NTNG1: variants seen among roughly 807,000 people sequenced by gnomAD.
The protein encoded by NTNG1 is netrin G1.
A neutral mutation model predicts 54.0 loss-of-function variants in NTNG1; 16 were observed. The ratio of observed to expected loss-of-function variants is 0.30; its 90% CI spans 0.20 to 0.45. The LOEUF is 0.45. Among genes scored for constraint, NTNG1 ranks in the 20% least tolerant of loss-of-function variants. The probability of loss-of-function intolerance (pLI) is 1.00; values close to 1 mark genes in which losing one functional copy is unlikely to be tolerated. For synonymous variants in NTNG1, 255 were observed against 263.1 expected (o/e 0.97, Z 0.30); for missense variants, 530 against 678.7 (o/e 0.78, Z 2.43).
intron 2 of NTNG1, among the ~76,000 whole-genome samples, chr1:107,255,546 C>G (rs1005976676): frequency 2.6e-5 from 4 of 152,154 alleles, no homozygotes; most frequent in African/African-American, 9.7e-5. Flanking sequence ...AGCTGAAACT[C>G]GATGAGAATT....
intron 3 of NTNG1, among the ~76,000 whole-genome samples, chr1:107,342,847 A>G (rs1668980201): frequency 6.6e-6 from 1 of 152,058 alleles, no homozygotes; most frequent in South Asian, 2.1e-4. Context: ...GGGATTTAGA[A>G]CGACCAATAA....
intron 3 of NTNG1, among the ~76,000 whole-genome samples, chr1:107,336,489 A>G (rs1317697357): frequency 6.6e-6 from 1 of 152,008 alleles, no homozygotes; most frequent in Non-Finnish European, 1.5e-5. Context: ...TGCATTAAAG[A>G]CCTAAATGTA....
At chr1:107,441,002 G>A (rs1675928050) in intron 7 of NTNG1, among the ~76,000 whole-genome samples, 1 of 151,712 alleles carries the variant, frequency 6.6e-6, no homozygotes, top group South Asian at 2.1e-4. Context: ...TTAGTGTTGA[G>A]GTTACCCAAT....
At chr1:107,230,541 G>A (rs1661004156) in intron 2 of NTNG1, among the ~76,000 whole-genome samples, 2 of 152,140 alleles carry the variant, frequency 1.3e-5, no homozygotes, top group African/African-American at 4.8e-5. Context: ...AATAGAATAG[G>A]ATTTGAATAC....
In NTNG1 at chr1:107,302,192, T is replaced by C. The variant is rs182915291; in HGVS notation, c.247-22090T>C. On this transcript the variant is annotated intron_variant, in intron 2 of 7. Coordinates refer to ENST00000370068, the MANE Select transcript of NTNG1 (RefSeq NM_001113226.3). ...TCTTGTCCATGTACGTGGAGTACCATGGCCTTTCACAAAACTTGCTAGCAT... is the reference window on the plus strand; with the variant it reads ...TCTTGTCCATGTACGTGGAGTACCACGGCCTTTCACAAAACTTGCTAGCAT... 8.5e-5 allele frequency among the ~76,000 whole-genome samples: 13 copies of C among 152,326 alleles called. No homozygotes were observed. The East Asian group carries it at 2.1e-3, about 25-fold the overall frequency.
chr1:107,437,726 A>G lies in NTNG1; in HGVS notation c.1390+927A>G, dbSNP rs148410510. 1.2e-3 allele frequency among the ~76,000 whole-genome samples: 188 copies of G among 152,308 alleles called. 1 individual carries two copies. Among genetic ancestry groups the G allele is most frequent in the African/African-American group, 4.4e-3 (184 of 41,588 alleles). On this transcript the variant is annotated intron_variant, in intron 7 of 7. Coordinates refer to ENST00000370068, the MANE Select transcript of NTNG1 (RefSeq NM_001113226.3). ...AACTATTATATTTAGCTCAAATTAT[A>G]TAAGATACTATTATTTCAACATATA... is the stretch of plus-strand genomic sequence containing the variant.
intron 3 of NTNG1, among the ~76,000 whole-genome samples, chr1:107,350,640 C>A (rs1039476113): frequency 8.6e-5 from 13 of 152,042 alleles, no homozygotes; most frequent in Admixed American, 8.5e-4. Flanking sequence ...TGCATATATA[C>A]AATGTGATGT....
chr1:107,168,636 C>A (rs1051743189), intron 2 of NTNG1, among the ~76,000 whole-genome samples: 1 of 152,016 alleles, frequency 6.6e-6, no homozygotes, highest in Admixed American at 6.6e-5. Context: ...TAAATTGCAT[C>A]CTGGATAAAC....
chr1:107,160,690 C>T (rs1436197473), intron 2 of NTNG1, among the ~76,000 whole-genome samples: 3 of 152,120 alleles, frequency 2.0e-5, no homozygotes, highest in Non-Finnish European at 4.4e-5. Flanking sequence ...TCTAATCTGG[C>T]TCCTGCATGC....
In NTNG1 at chr1:107,436,700, C is replaced by T. The variant is rs1445032293; in HGVS notation, c.1291C>T (p.Arg431Cys). The change falls in exon 7 of 8, where the codon CGT (arginine) becomes TGT (cysteine). Residue 431 changes from arginine (R) to cysteine (C), a missense_variant. By Grantham distance (180) the Arg-to-Cys change is radical. Coordinates refer to ENST00000370068, the MANE Select transcript of NTNG1 (RefSeq NM_001113226.3). Reference protein sequence around the residue: ...YCNPLGSIHDRCNGSGFCECK... With the variant: ...YCNPLGSIHDCCNGSGFCECK... Reference sequence around the variant, plus strand: ...TAACCCTTTGGGCTCAATCCATGATCGTTGTAATGGCTCAGGATTTTGTGA... The same window carrying T: ...TAACCCTTTGGGCTCAATCCATGATTGTTGTAATGGCTCAGGATTTTGTGA... 2 of 1,613,368 alleles carry T rather than the reference C, an allele frequency of 1.2e-6. No individual in the cohort carries two copies. The highest frequency in any genetic ancestry group is 8.5e-7 in the Non-Finnish European group (1 of 1,179,496).
rs564997604 is a variant in NTNG1 at position 107,257,116 on chromosome 1, C to A, written c.247-67166C>A. On this transcript the variant is annotated intron_variant, in intron 2 of 7. Coordinates refer to ENST00000370068, the MANE Select transcript of NTNG1 (RefSeq NM_001113226.3). ...ATATGCTCCAAAAAATAATGGTAAA[C>A]AATATTAAAAAAGAGATTATGTGCT... Among the ~76,000 whole-genome samples the A allele has an allele frequency of 8.5e-4, 130 of 152,112 alleles. 1 individual carries two copies. Among genetic ancestry groups the A allele is most frequent in the African/African-American group, 3.0e-3 (123 of 41,488 alleles).
chr1:107,166,533 A>G lies in NTNG1; in HGVS notation c.246+17694A>G, dbSNP rs561046458. Among the ~76,000 whole-genome samples, 3 of 152,308 alleles carry G rather than the reference A, an allele frequency of 2.0e-5. No individual in the cohort carries two copies. In the South Asian group the frequency reaches 6.2e-4, roughly 32 times the overall value. On this transcript the variant is annotated intron_variant, in intron 2 of 7. Transcript: ENST00000370068. ...AAGTGGTATACAAAAGTAAGTTGCCATAATTCTTATTTTGTATTTATTTGC... is the reference window on the plus strand; with the variant it reads ...AAGTGGTATACAAAAGTAAGTTGCCGTAATTCTTATTTTGTATTTATTTGC...
intron 2 of NTNG1, among the ~76,000 whole-genome samples, chr1:107,178,252 A>C (rs1264690523): frequency 1.3e-5 from 2 of 152,208 alleles, no homozygotes; most frequent in Non-Finnish European, 2.9e-5. Flanking sequence ...TGATCCTTGC[A>C]TCACATGGAG....
intron 2 of NTNG1, among the ~76,000 whole-genome samples, chr1:107,289,144 CTAAAATTCATACGTGCTCTGAA>C: frequency 6.6e-6 from 1 of 152,250 alleles, no homozygotes; most frequent in Middle Eastern, 3.4e-3. Flanking sequence ...ACCATCAAAT[CTAAAATTCATACGTGCTCTGAA>C]TATCCTGGTT....
intron 3 of NTNG1, among the ~76,000 whole-genome samples, chr1:107,353,920 T>C (rs896659055): frequency 3.3e-5 from 5 of 152,108 alleles, no homozygotes; most frequent in Non-Finnish European, 5.9e-5. Flanking sequence ...AGAGGTGCCA[T>C]GCACTTTTAA....
At chr1:107,210,986 T>C (rs541241699) in intron 2 of NTNG1, among the ~76,000 whole-genome samples, 75 of 152,298 alleles carry the variant, frequency 4.9e-4, no homozygotes, top group African/African-American at 1.8e-3. Flanking sequence ...TTCTCCATAC[T>C]CTGCTCTGTC....
At chr1:107,177,001 T>G (rs1656693933) in intron 2 of NTNG1, among the ~76,000 whole-genome samples, 1 of 152,146 alleles carries the variant, frequency 6.6e-6, no homozygotes, top group African/African-American at 2.4e-5. Context: ...TTGCCAAATA[T>G]CCTCTGAGGA....
chr1:107,249,986 C>G (rs954198719), intron 2 of NTNG1, among the ~76,000 whole-genome samples: 5 of 152,148 alleles, frequency 3.3e-5, no homozygotes, highest in African/African-American at 1.2e-4. Flanking sequence ...CCCATGGTGA[C>G]AGTCTCCCAT....
chr1:107,306,558 C>T (rs926210676), intron 2 of NTNG1, among the ~76,000 whole-genome samples: 1 of 152,156 alleles, frequency 6.6e-6, no homozygotes, highest in African/African-American at 2.4e-5. Flanking sequence ...CAAAACTAGC[C>T]TGGCCAAGAT....
Sources: gnomAD v4.1 joint callset for allele counts (sites outside exome capture counted in the v4.1 genomes callset) on GRCh38, gnomAD v4.1.1 for gene constraint, MANE v1.5 for transcripts, NCBI Gene and HGNC (gene_info 2026-07-23, HGNC 2026-07-21) for gene names.